C18orf63: variants seen among roughly 807,000 people sequenced by gnomAD.
C18orf63 encodes uncharacterized protein C18orf63.
Under a neutral mutation model 75.3 loss-of-function variants are expected in C18orf63, and 50 were observed. The observed-to-expected ratio is 0.66, with a 90% CI of 0.53 to 0.84. C18orf63 has a LOEUF of 0.84. C18orf63 is among the 40% of genes least tolerant of loss of function. The pLI, the probability that C18orf63 is intolerant of heterozygous loss-of-function variation, is 0.00. For missense variants in C18orf63, 732 were observed against 800.2 expected (o/e 0.91, Z 1.03); for synonymous variants, 232 against 267.6 (o/e 0.87, Z 1.30).
Position 74,358,458 on chromosome 18 carries a change from T to C in C18orf63, c.*2011T>C, listed in dbSNP as rs1213856638. 6.6e-6 allele frequency: 1 copy of C among 152,202 alleles called. No homozygotes were observed. Among genetic ancestry groups the C allele is most frequent in the Non-Finnish European group, 1.5e-5 (1 of 68,028 alleles). 9.4% of individuals were successfully genotyped at this position (152,202 alleles called of 1,614,324 possible). ...GAAGAGGTTCTAGATCAAATTTCTG[T>C]GTTCAGAATCACCAGAGAAATCAAT... On this transcript the variant is annotated 3_prime_UTR_variant, in exon 14 of 14. Transcript: ENST00000579455.
chr18:74,347,885 A>G (rs2145130071), intron 11 of C18orf63, among the ~76,000 whole-genome samples: 1 of 152,236 alleles, frequency 6.6e-6, no homozygotes, highest in South Asian at 2.1e-4. Flanking sequence ...CCCTTGACAT[A>G]TTTTTGGGTA....
intron 11 of C18orf63, 58 bp from the exon 12 acceptor site, chr18:74,353,188 T>C (rs994147431): frequency 9.3e-7 from 1 of 1,072,132 alleles, no homozygotes; most frequent in Non-Finnish European, 1.3e-6. Context: ...TTTTATTTCT[T>C]TTCCATTAAG....
chr18:74,327,918 G>A (rs1984235873), intron 4 of C18orf63, 29 bp from the exon 5 acceptor site: 2 of 1,311,864 alleles, frequency 1.5e-6, no homozygotes, highest in Non-Finnish European at 2.1e-6. Flanking sequence ...TTCTAAATTG[G>A]CCCATATTTT....
intron 7 of C18orf63, among the ~76,000 whole-genome samples, chr18:74,331,948 A>G (rs1025977303): frequency 1.3e-5 from 2 of 152,170 alleles, no homozygotes; most frequent in Non-Finnish European, 2.9e-5. Context: ...CACTTAAGCC[A>G]GTAGGGAAGA....
At chr18:74,327,376 C>T (rs1361325006) in intron 4 of C18orf63, among the ~76,000 whole-genome samples, 1 of 152,194 alleles carries the variant, frequency 6.6e-6, no homozygotes, top group African/African-American at 2.4e-5. Context: ...TAGATAAATG[C>T]ACACTTACAC....
In C18orf63 at chr18:74,354,639, T is replaced by C. The variant is rs950750787; in HGVS notation, c.*33+93T>C. The stretch of plus-strand genomic sequence containing the variant: ...CCCCAACCTCTTGGTAAAAAGCAGC[T>C]ACTTTTAAATTCTTTGAAACCGTAA... On this transcript the variant is annotated intron_variant, in intron 13 of 13. Transcript: ENST00000579455. 1.8e-5 allele frequency: 11 copies of C among 607,216 alleles called. 1 individual carries two copies. In the South Asian group the frequency reaches 2.5e-4, roughly 14 times the overall value. The allele number at this position is 607,216 out of a possible 1,614,324, so 37.6% of individuals were successfully genotyped here.
intron 7 of C18orf63, among the ~76,000 whole-genome samples, 200 bp from the exon 8 acceptor site, chr18:74,338,515 C>A (rs906429232): frequency 1.3e-5 from 2 of 152,044 alleles, no homozygotes; most frequent in African/African-American, 4.8e-5. Context: ...TGAAATACTT[C>A]ATATATTGTA....
intron 7 of C18orf63, among the ~76,000 whole-genome samples, chr18:74,336,255 G>T (rs191908648): frequency 6.6e-6 from 1 of 151,948 alleles, no homozygotes; most frequent in East Asian, 1.9e-4. Context: ...GTTCAAATTT[G>T]TATGTCCCAT....
At chr18:74,338,009 A>G (rs12965210) in intron 7 of C18orf63, among the ~76,000 whole-genome samples, 77,729 of 152,002 alleles carry the variant, frequency 0.51, 20,516 homozygotes, top group Middle Eastern at 0.58. Flanking sequence ...AGAATGGGGT[A>G]AGGGTTTATG....
At position 74,346,914 on chromosome 18, in the gene C18orf63, C is replaced by A. The variant is rs1460735681; in HGVS notation, c.978+3212C>A. On this transcript the variant is annotated intron_variant, in intron 11 of 13. Coordinates refer to ENST00000579455, the MANE Select transcript of C18orf63 (RefSeq NM_001174123.2). Reference sequence around the variant, plus strand: ...TGGATAAAGAATTCACTCAATTTTGCAGAAGAGGAGACCGAAGCTCAGAAC... The same window carrying A: ...TGGATAAAGAATTCACTCAATTTTGAAGAAGAGGAGACCGAAGCTCAGAAC... 2.0e-5 allele frequency among the ~76,000 whole-genome samples: 3 copies of A among 152,266 alleles called. No individual in the cohort carries two copies. The East Asian group carries it at 5.8e-4, about 29-fold the overall frequency.
At chr18:74,338,896 A>G (rs1984434896) in intron 8 of C18orf63, 72 bp downstream of exon 8, 2 of 501,990 alleles carry the variant, frequency 4.0e-6, no homozygotes, top group East Asian at 3.4e-5. Flanking sequence ...CTTTCTTAAC[A>G]TTGATATGTG....
At chr18:74,332,810 A>G (rs1181873552) in intron 7 of C18orf63, among the ~76,000 whole-genome samples, 1 of 151,936 alleles carries the variant, frequency 6.6e-6, no homozygotes, top group African/African-American at 2.4e-5. Context: ...GTCAAATTGT[A>G]GTTTATACTC....
chr18:74,322,771 G>T lies in C18orf63; in HGVS notation c.270+17G>T. 2 of 1,086,566 alleles carry T rather than the reference G, an allele frequency of 1.8e-6. No individual in the cohort carries two copies. The highest frequency in any genetic ancestry group is 1.6e-5 in the South Asian group (1 of 63,764). The allele number at this position is 1,086,566 out of a possible 1,614,324, so 67.3% of individuals were successfully genotyped here. On this transcript the variant is annotated intron_variant, in intron 4 of 13. Transcript: ENST00000579455. ...GGAGCTAAGGTAAGTGTTAAAAAAT[G>T]ATATTAATACCATATGTTGTTTATA...
intron 2 of C18orf63, among the ~76,000 whole-genome samples, chr18:74,318,465 C>T (rs1055302302): frequency 6.6e-6 from 1 of 152,046 alleles, no homozygotes; most frequent in African/African-American, 2.4e-5. Context: ...GGATCTGTCT[C>T]AAAATATCTG....
intron 2 of C18orf63, among the ~76,000 whole-genome samples, chr18:74,320,169 A>G (rs556851590): frequency 2.8e-4 from 43 of 152,324 alleles, no homozygotes; most frequent in Non-Finnish European, 5.6e-4. Flanking sequence ...TTTATGAAGA[A>G]AAGAGGTTTA....
Position 74,328,993 on chromosome 18 carries a change from AG to A in C18orf63, c.383del, listed in dbSNP as rs1984255894. 1 of 1,483,818 alleles carries A rather than the reference AG, an allele frequency of 6.7e-7. No individual in the cohort carries two copies. Among genetic ancestry groups the A allele is most frequent in the Non-Finnish European group, 9.1e-7 (1 of 1,099,440 alleles). The allele number at this position is 1,483,818 out of a possible 1,614,324, so 91.9% of individuals were successfully genotyped here. On this transcript the variant is annotated splice_acceptor_variant, in intron 5 of 13. Coordinates refer to ENST00000579455, the MANE Select transcript of C18orf63 (RefSeq NM_001174123.2). LOFTEE classifies it high-confidence loss of function. ...CATGGCATATTCTATGAATTTTTTA[AG>A]GAAGAGATTTTCTTTCTCAGATGGG...
chr18:74,345,280 T>C (rs1424060523), intron 11 of C18orf63, among the ~76,000 whole-genome samples: 1 of 151,992 alleles, frequency 6.6e-6, no homozygotes, highest in Non-Finnish European at 1.5e-5. Context: ...CAGATATGAG[T>C]TTTTCATCAG....
chr18:74,349,879 T>A (rs1392264416), intron 11 of C18orf63, among the ~76,000 whole-genome samples: 1 of 152,244 alleles, frequency 6.6e-6, no homozygotes. Flanking sequence ...ACCTTACTTC[T>A]ACTTCCAAAT....
chr18:74,317,244 T>TA (rs1183635926), intron 1 of C18orf63, among the ~76,000 whole-genome samples: 17 of 152,238 alleles, frequency 1.1e-4, no homozygotes, highest in Non-Finnish European at 2.5e-4. Flanking sequence ...CAGTTTTTGT[T>TA]ACTGTAGTAA....
Sources: allele counts gnomAD v4.1 joint callset (sites outside exome capture counted in the v4.1 genomes callset), GRCh38; gene constraint gnomAD v4.1.1; transcripts MANE v1.5; gene names NCBI Gene and HGNC (gene_info 2026-07-23, HGNC 2026-07-21).